KCND2: variants seen among roughly 807,000 people sequenced by gnomAD.
KCND2 encodes potassium voltage-gated channel subfamily D member 2, also known as A-type voltage-gated potassium channel KCND2.
A neutral mutation model predicts 54.4 loss-of-function variants in KCND2; 16 were observed. The ratio of observed to expected loss-of-function variants is 0.29; its 90% CI spans 0.20 to 0.45. The LOEUF (loss-of-function observed/expected upper bound fraction) is 0.45, where lower values mean the gene tolerates loss of function less well. Ranked by LOEUF, KCND2 falls within the 20% of genes least tolerant of loss-of-function variation. The pLI is 1.00. For missense variants in KCND2, 486 were observed against 824.2 expected (o/e 0.59, Z 5.02); for synonymous variants, 317 against 310.7 (o/e 1.02, Z -0.21).
chr7:120,697,322 T>G (rs1792344000), intron 1 of KCND2, among the ~76,000 whole-genome samples: 1 of 152,202 alleles, frequency 6.6e-6, no homozygotes, highest in Non-Finnish European at 1.5e-5. Flanking sequence ...TATTTTAATG[T>G]TTTTTCTTCC....
rs927562878 is a variant in KCND2, at chr7:120,633,465, G to T, written c.1116-99438G>T. On this transcript the variant is annotated intron_variant, in intron 1 of 5. Coordinates refer to ENST00000331113, the MANE Select transcript of KCND2 (RefSeq NM_012281.3). ...GGATGGCCAAGAAAAAGCAATAAAC[G>T]TTTGAAAGAAAAAGACATGACATAT... Among the ~76,000 whole-genome samples the T allele has an allele frequency of 2.6e-5, 4 of 152,200 alleles. No individual in the cohort carries two copies. The East Asian group carries it at 7.7e-4, about 29-fold the overall frequency.
rs186944666 is a variant in KCND2, at chr7:120,569,667, T to C, written c.1116-163236T>C. 1.1e-4 allele frequency among the ~76,000 whole-genome samples: 17 copies of C among 152,252 alleles called. No individual in the cohort carries two copies. The East Asian group carries it at 3.3e-3, about 29-fold the overall frequency. On this transcript the variant is annotated intron_variant, in intron 1 of 5. Coordinates refer to ENST00000331113, the MANE Select transcript of KCND2 (RefSeq NM_012281.3). ...ACTTTCTTTATGTTTTCCAACCTAGTAAGTGTTACTTAAAAAAAGCCTGAG... is the reference window on the plus strand; with the variant it reads ...ACTTTCTTTATGTTTTCCAACCTAGCAAGTGTTACTTAAAAAAAGCCTGAG...
intron 1 of KCND2, among the ~76,000 whole-genome samples, chr7:120,368,958 C>G (rs930798963): frequency 2.6e-5 from 4 of 152,006 alleles, no homozygotes; most frequent in Non-Finnish European, 4.4e-5. Context: ...CTGTGGATAA[C>G]CTGCAGCTGC....
chr7:120,459,902 T>G (rs1802260243), intron 1 of KCND2, among the ~76,000 whole-genome samples: 1 of 152,222 alleles, frequency 6.6e-6, no homozygotes, highest in Non-Finnish European at 1.5e-5. Flanking sequence ...AAGACACTTT[T>G]TGTCTGCCAA....
Position 120,384,998 on chromosome 7 carries a change from C to CTTTTTT in KCND2, c.1115+109270_1115+109275dup, listed in dbSNP as rs372225817. 1.2e-3 allele frequency among the ~76,000 whole-genome samples: 95 copies of CTTTTTT among 82,524 alleles called. 2 individuals carry two copies. Among genetic ancestry groups the CTTTTTT allele is most frequent in the Non-Finnish European group, 1.5e-3 (73 of 47,584 alleles). 54.1% of individuals were successfully genotyped at this position (82,524 alleles called of 152,430 possible). ...TGTAAACAAAGGCATTTGTATATAA[C>CTTTTTT]TTTTTTTTTTTTTTTTTTTTTTTTC... On this transcript the variant is annotated intron_variant, in intron 1 of 5. Transcript: ENST00000331113.
rs75507845 is a variant in KCND2 at position 120,675,134 on chromosome 7, G to A, written c.1116-57769G>A. On this transcript the variant is annotated intron_variant, in intron 1 of 5. Transcript: ENST00000331113. The stretch of plus-strand genomic sequence containing the variant: ...CAACTTTCTTATCTAGTAATTTAGA[G>A]TCACTGCAAATTGTTCAACTCTGTT... 1.9e-4 allele frequency among the ~76,000 whole-genome samples: 29 copies of A among 152,160 alleles called. No individual in the cohort carries two copies. In the East Asian group the frequency reaches 5.6e-3, roughly 29 times the overall value.
intron 1 of KCND2, among the ~76,000 whole-genome samples, chr7:120,509,479 T>G (rs954343957): frequency 2.0e-5 from 3 of 152,096 alleles, no homozygotes; most frequent in Admixed American, 1.3e-4. Flanking sequence ...TATCCAGAGA[T>G]AGATATTCAA....
At chr7:120,528,695 G>A (rs802371) in intron 1 of KCND2, among the ~76,000 whole-genome samples, 37,542 of 152,000 alleles carry the variant, frequency 0.25, 8,202 homozygotes, top group African/African-American at 0.58. Flanking sequence ...ACATCCTTCT[G>A]TGTAACCATG....
intron 1 of KCND2, among the ~76,000 whole-genome samples, chr7:120,668,733 A>G (rs1791957404): frequency 1.3e-5 from 2 of 152,216 alleles, no homozygotes; most frequent in East Asian, 1.9e-4. Context: ...AGGCACTTTT[A>G]TAAAAGATAT....
At chr7:120,358,443 T>C (rs1358992846) in intron 1 of KCND2, among the ~76,000 whole-genome samples, 1 of 152,162 alleles carries the variant, frequency 6.6e-6, no homozygotes, top group East Asian at 1.9e-4. Flanking sequence ...GTCATCATTG[T>C]CTCTTGCACT....
chr7:120,539,257 G>T (rs1011804859), intron 1 of KCND2, among the ~76,000 whole-genome samples: 2 of 152,146 alleles, frequency 1.3e-5, no homozygotes, highest in Non-Finnish European at 2.9e-5. Context: ...GTTTGTTTCA[G>T]TTGATTTGCA....
intron 1 of KCND2, among the ~76,000 whole-genome samples, chr7:120,364,285 C>T (rs991054528): frequency 6.6e-6 from 1 of 152,150 alleles, no homozygotes; most frequent in East Asian, 1.9e-4. Context: ...TGTCATCAAC[C>T]ATACTATCCT....
At chr7:120,714,903 A>T (rs1792584101) in intron 1 of KCND2, among the ~76,000 whole-genome samples, 1 of 152,110 alleles carries the variant, frequency 6.6e-6, no homozygotes, top group South Asian at 2.1e-4. Context: ...AGTTAATTAA[A>T]TAAAATTTAA....
At chr7:120,280,478 A>G (rs181800156) in intron 1 of KCND2, among the ~76,000 whole-genome samples, 1 of 152,124 alleles carries the variant, frequency 6.6e-6, no homozygotes, top group Admixed American at 6.5e-5. Context: ...TGGGTCTGTT[A>G]TGCTATTCTT....
At chr7:120,464,639 G>C (rs560171164) in intron 1 of KCND2, among the ~76,000 whole-genome samples, 5 of 152,304 alleles carry the variant, frequency 3.3e-5, no homozygotes, top group African/African-American at 1.2e-4. Flanking sequence ...TTTTGGCTAA[G>C]TTCAGCTCAT....
chr7:120,573,389 CAG>C (rs1792389472), intron 1 of KCND2, among the ~76,000 whole-genome samples: 1 of 152,184 alleles, frequency 6.6e-6, no homozygotes, highest in Admixed American at 6.5e-5. Context: ...AAGTCTCTAT[CAG>C]AGATATGGAA....
chr7:120,616,743 G>A (rs1414764958), intron 1 of KCND2, among the ~76,000 whole-genome samples: 1 of 152,162 alleles, frequency 6.6e-6, no homozygotes, highest in Non-Finnish European at 1.5e-5. Flanking sequence ...GCATGCCTTT[G>A]TGAGTGTGCC....
chr7:120,655,793 CCTT>C, intron 1 of KCND2, among the ~76,000 whole-genome samples: 1 of 152,100 alleles, frequency 6.6e-6, no homozygotes, highest in East Asian at 1.9e-4. Flanking sequence ...GAAAAATTTG[CCTT>C]CTTTAGTATG....
chr7:120,555,670 A>G (rs1792155219), intron 1 of KCND2, among the ~76,000 whole-genome samples: 1 of 152,230 alleles, frequency 6.6e-6, no homozygotes, highest in South Asian at 2.1e-4. Flanking sequence ...TAATTTAAAG[A>G]CATATTTAAA....
Sources: allele counts gnomAD v4.1 joint callset (sites outside exome capture counted in the v4.1 genomes callset), GRCh38; gene constraint gnomAD v4.1.1; transcripts MANE v1.5; gene names NCBI Gene and HGNC (gene_info 2026-07-23, HGNC 2026-07-21).